SHC3: variants seen among roughly 807,000 people sequenced by gnomAD.
SHC3 encodes SHC-transforming protein 3.
SHC3 carries 15 observed loss-of-function variants against 60.4 expected under a neutral mutation model. That is an observed-to-expected ratio of 0.25 (90% CI 0.17 to 0.38). The LOEUF (loss-of-function observed/expected upper bound fraction) is 0.38. SHC3 is among the 10% of genes least tolerant of loss of function. The pLI is 1.00. For missense variants in SHC3, 677 were observed against 786.1 expected, an observed-to-expected ratio of 0.86 and a Z score of 1.66; for synonymous variants, 294 against 325.9, an observed-to-expected ratio of 0.90 and a Z score of 1.05.
At chr9:89,014,716 T>A (rs757317275) in intron 11 of SHC3, among the ~76,000 whole-genome samples, 1 of 152,158 alleles carries the variant, frequency 6.6e-6, no homozygotes, top group Non-Finnish European at 1.5e-5. Context: ...TTGTGACTCC[T>A]GCTTCCACTA....
intron 1 of SHC3, among the ~76,000 whole-genome samples, chr9:89,140,349 T>C (rs1826375900): frequency 6.6e-6 from 1 of 151,772 alleles, no homozygotes; most frequent in Non-Finnish European, 1.5e-5. Flanking sequence ...CCCCCCAGAT[T>C]AAGGGTCCTG....
At chr9:89,029,205 G>A (rs1024523330) in intron 11 of SHC3, among the ~76,000 whole-genome samples, 21 of 151,610 alleles carry the variant, frequency 1.4e-4, no homozygotes, top group African/African-American at 5.1e-4. Flanking sequence ...AATATAGAAG[G>A]CAGGAAATTA....
chr9:89,052,015 A>G (rs745888757), intron 7 of SHC3, 22 bp downstream of exon 7: 1 of 1,612,102 alleles, frequency 6.2e-7, no homozygotes, highest in South Asian at 1.1e-5. Context: ...GCTATTGCAA[A>G]TGGTGTCACA....
At chr9:89,156,332 G>A (rs1199901016) in intron 1 of SHC3, among the ~76,000 whole-genome samples, 4 of 152,072 alleles carry the variant, frequency 2.6e-5, no homozygotes, top group Non-Finnish European at 2.9e-5. Flanking sequence ...TCAAACCTTC[G>A]GACGATTACA....
rs573093483 is a variant in SHC3 at position 89,043,661 on chromosome 9, T to A, written c.1202-1477A>T. 7.9e-4 allele frequency among the ~76,000 whole-genome samples: 120 copies of A among 152,020 alleles called. 1 individual carries two copies. The highest frequency in any genetic ancestry group is 2.7e-3 in the African/African-American group (113 of 41,520). ...GAAAAGATATTTATTTATTTTTTTTTTTTTTTTTGAGGCAGGGTCTCATTC... is the reference window on the plus strand; with the variant it reads ...GAAAAGATATTTATTTATTTTTTTTATTTTTTTTGAGGCAGGGTCTCATTC... On this transcript the variant is annotated intron_variant, in intron 9 of 11. Transcript: ENST00000375835.
intron 6 of SHC3, among the ~76,000 whole-genome samples, chr9:89,055,399 T>C (rs941536382): frequency 1.1e-4 from 16 of 152,236 alleles, no homozygotes; most frequent in African/African-American, 3.6e-4. Flanking sequence ...GTGACACCTA[T>C]TCTGTGAGTC....
intron 6 of SHC3, among the ~76,000 whole-genome samples, chr9:89,053,274 G>A (rs541812700): frequency 6.6e-5 from 10 of 152,350 alleles, no homozygotes; most frequent in African/African-American, 2.2e-4. Flanking sequence ...CAAAAGCCGC[G>A]TTGGTCCCTG....
At chr9:89,120,942 A>T (rs966445125) in intron 1 of SHC3, among the ~76,000 whole-genome samples, 1 of 151,910 alleles carries the variant, frequency 6.6e-6, no homozygotes, top group Admixed American at 6.5e-5. Flanking sequence ...ATTTATTTAC[A>T]TTTTAAAAGA....
Position 89,059,470 on chromosome 9 carries a change from G to T in SHC3, c.835+6059C>A, listed in dbSNP as rs1428551269. Among the ~76,000 whole-genome samples, 5 of 149,094 alleles carry T rather than the reference G, an allele frequency of 3.4e-5. No homozygotes were observed. In the South Asian group the frequency reaches 8.7e-4, roughly 26 times the overall value. ...GGTGTTAGGACGTGGGGGAGGACAT[G>T]GTGGGGGGCGGTAGCAGAGGATGAT... On this transcript the variant is annotated intron_variant, in intron 6 of 11. Transcript: ENST00000375835.
chr9:89,063,157 G>A (rs1825119514), intron 6 of SHC3, among the ~76,000 whole-genome samples: 1 of 152,174 alleles, frequency 6.6e-6, no homozygotes, highest in African/African-American at 2.4e-5. Flanking sequence ...TTGAGACGGA[G>A]TCTCGCTCTG....
intron 1 of SHC3, among the ~76,000 whole-genome samples, chr9:89,169,939 A>G (rs1587768968): frequency 6.6e-6 from 1 of 152,080 alleles, no homozygotes; most frequent in African/African-American, 2.4e-5. Flanking sequence ...CAAGCGGAGG[A>G]GGTGGAGATC....
chr9:89,074,303 C>T (rs1359535200), intron 4 of SHC3, among the ~76,000 whole-genome samples: 3 of 152,054 alleles, frequency 2.0e-5, no homozygotes, highest in East Asian at 1.9e-4. Context: ...GCTCCAGCTC[C>T]GATAGCCAGC....
chr9:89,122,981 G>C (rs535937972), intron 1 of SHC3, among the ~76,000 whole-genome samples: 5 of 152,220 alleles, frequency 3.3e-5, no homozygotes, highest in Non-Finnish European at 7.3e-5. Flanking sequence ...ATCTGACTCC[G>C]CATATTGGGA....
chr9:89,152,752 T>C (rs1316990689), intron 1 of SHC3, among the ~76,000 whole-genome samples: 1 of 152,248 alleles, frequency 6.6e-6, no homozygotes, highest in Admixed American at 6.5e-5. Context: ...AATTAATTTG[T>C]CTAATGTACT....
intron 6 of SHC3, among the ~76,000 whole-genome samples, chr9:89,059,753 AT>A (rs1340456038): frequency 2.3e-5 from 1 of 43,576 alleles, no homozygotes. Flanking sequence ...GTGGTGGAGG[AT>A]GGTGGTGGAG....
At chr9:89,114,038 C>T (rs955346422) in intron 1 of SHC3, among the ~76,000 whole-genome samples, 5 of 152,112 alleles carry the variant, frequency 3.3e-5, no homozygotes, top group African/African-American at 9.7e-5. Context: ...TGCAGAGTTA[C>T]GTGAAAACCA....
chr9:89,107,633 A>T (rs1296627275), intron 2 of SHC3, among the ~76,000 whole-genome samples: 1 of 152,212 alleles, frequency 6.6e-6, no homozygotes, highest in Non-Finnish European at 1.5e-5. Flanking sequence ...TTGGCCATGA[A>T]ACATGTTTAG....
At position 89,178,436 on chromosome 9, in the gene SHC3, G is replaced by A; in HGVS notation, c.25C>T (p.Arg9Cys). 6.7e-7 allele frequency: 1 copy of A among 1,485,420 alleles called. No individual in the cohort carries two copies. Among genetic ancestry groups the A allele is most frequent in the Non-Finnish European group, 9.0e-7 (1 of 1,110,038 alleles). 92.0% of individuals were successfully genotyped at this position (1,485,420 alleles called of 1,614,324 possible). The change falls in exon 1 of 12, where the codon CGC becomes TGC. Residue 9 changes from arginine to cysteine, a missense_variant. Arg to Cys is a radical substitution (Grantham distance 180, BLOSUM62 -3). Transcript: ENST00000375835. The surrounding 1 kb of genome is among the most constrained non-coding windows in gnomAD (Gnocchi z 6.9). ...GATGTCACCGAGTCATTCCTGAAGC[G>A]GTTATACTTGGTGCGTGGAAGCATG... MLPRTKYN[R>C]FRNDSVTSVD...
At chr9:89,174,272 T>C (rs951959199) in intron 1 of SHC3, among the ~76,000 whole-genome samples, 1 of 152,098 alleles carries the variant, frequency 6.6e-6, no homozygotes, top group African/African-American at 2.4e-5. Context: ...GATGCACAAA[T>C]GGGAGTAATA....
Sources: gnomAD v4.1 joint callset for allele counts (sites outside exome capture counted in the v4.1 genomes callset) on GRCh38, gnomAD v4.1.1 for gene constraint, Gnocchi (gnomAD v3.1) non-coding constraint, MANE v1.5 for transcripts, NCBI Gene and HGNC (gene_info 2026-07-23, HGNC 2026-07-21) for gene names.